Variants in STAM observed in about 807,000 individuals in gnomAD.
STAM encodes signal transducing adapter molecule 1.
STAM carries 16 observed loss-of-function variants against 63.4 expected under a neutral mutation model. The ratio of observed to expected loss-of-function variants is 0.25; its 90% confidence interval spans 0.17 to 0.38. STAM has a LOEUF of 0.38. Ranked by LOEUF, STAM falls within the 10% of genes least tolerant of loss-of-function variation. STAM has a pLI of 1.00. For synonymous variants in STAM, 238 were observed against 223.9 expected, an observed-to-expected ratio of 1.06 and a Z score of -0.56; for missense variants, 636 against 657.1, an observed-to-expected ratio of 0.97 and a Z score of 0.35.
At chr10:17,705,801 C>T in intron 12 of STAM, 60 bp downstream of exon 12, 1 of 1,530,512 alleles carries the variant, frequency 6.5e-7, no homozygotes, top group South Asian at 1.3e-5. Flanking sequence ...GGTGTGGTAG[C>T]TCATGCCTGT....
intron 2 of STAM, among the ~76,000 whole-genome samples, chr10:17,664,785 GA>G (rs1373732693): frequency 6.6e-6 from 1 of 151,864 alleles, no homozygotes; most frequent in East Asian, 1.9e-4. Flanking sequence ...TCTAGATTTA[GA>G]AAAAAAATTA....
At chr10:17,676,756 TG>T (rs1834873683) in intron 2 of STAM, among the ~76,000 whole-genome samples, 1 of 152,182 alleles carries the variant, frequency 6.6e-6, no homozygotes, top group South Asian at 2.1e-4. Context: ...ACACCATGCT[TG>T]TAATCAACTT....
At chr10:17,663,188 T>C (rs1834241715) in intron 2 of STAM, among the ~76,000 whole-genome samples, 1 of 152,174 alleles carries the variant, frequency 6.6e-6, no homozygotes, top group Non-Finnish European at 1.5e-5. Context: ...CAATTTGTTT[T>C]TCTTAATGTT....
intron 5 of STAM, among the ~76,000 whole-genome samples, chr10:17,689,736 G>A (rs374848479): frequency 6.6e-6 from 1 of 152,198 alleles, no homozygotes; most frequent in Non-Finnish European, 1.5e-5. Flanking sequence ...AATATCTAGA[G>A]TCTTTGGTTC....
Position 17,655,526 on chromosome 10 carries a change from T to C in STAM, c.41-4938T>C, listed in dbSNP as rs141831181. Reference sequence around the variant, plus strand: ...AACTAGCAGGTGATGCTGTGATATATAGCAGGTATTATACACCTGTAAAAT... The same window carrying C: ...AACTAGCAGGTGATGCTGTGATATACAGCAGGTATTATACACCTGTAAAAT... On this transcript the variant is annotated intron_variant, in intron 1 of 13. Transcript: ENST00000377524. Among the ~76,000 whole-genome samples, 8 of 152,332 alleles carry C rather than the reference T, an allele frequency of 5.3e-5. No homozygotes were observed. In the East Asian group the frequency reaches 1.5e-3, roughly 29 times the overall value.
intron 9 of STAM, among the ~76,000 whole-genome samples, chr10:17,700,820 ACTAT>A (rs1238197700): frequency 1.3e-5 from 2 of 152,226 alleles, no homozygotes; most frequent in Non-Finnish European, 2.9e-5. Context: ...ACACTCATTG[ACTAT>A]CTATTGAAAC....
chr10:17,664,431 C>T (rs1432056842), intron 2 of STAM, among the ~76,000 whole-genome samples: 1 of 152,150 alleles, frequency 6.6e-6, no homozygotes, highest in Non-Finnish European at 1.5e-5. Context: ...TCCCCCTTTC[C>T]TCCAGCTCCT....
At chr10:17,666,171 C>T (rs1347400080) in intron 2 of STAM, among the ~76,000 whole-genome samples, 2 of 152,058 alleles carry the variant, frequency 1.3e-5, no homozygotes, top group Non-Finnish European at 2.9e-5. Flanking sequence ...TATATGTTAA[C>T]TGTCTTTGCT....
At chr10:17,691,866 C>T (rs1835551010) in intron 5 of STAM, among the ~76,000 whole-genome samples, 1 of 152,192 alleles carries the variant, frequency 6.6e-6, no homozygotes, top group South Asian at 2.1e-4. Flanking sequence ...CATAACTTTT[C>T]ATGATCTACT....
At position 17,704,709 on chromosome 10, in the gene STAM, G is replaced by A. The variant is rs368752898; in HGVS notation, c.1000+191G>A. Among the ~76,000 whole-genome samples the A allele has an allele frequency of 7.3e-4, 111 of 152,258 alleles. 3 individuals carry two copies. In the South Asian group the frequency reaches 0.018, roughly 24 times the overall value. On this transcript the variant is annotated intron_variant, in intron 10 of 13. Coordinates refer to ENST00000377524, the MANE Select transcript of STAM (RefSeq NM_003473.4). ...AATTCTTATAATTTTCTATCCAAAC[G>A]AAGTGTTCTGTTCAACATTTTAGAA...
intron 1 of STAM, among the ~76,000 whole-genome samples, chr10:17,648,396 C>G (rs781863042): frequency 1.3e-5 from 2 of 152,130 alleles, no homozygotes; most frequent in Non-Finnish European, 2.9e-5. Context: ...TGGGCGGGGA[C>G]AAATAAGAGA....
intron 1 of STAM, among the ~76,000 whole-genome samples, chr10:17,657,571 C>T (rs904628573): frequency 2.0e-5 from 3 of 152,120 alleles, no homozygotes; most frequent in Non-Finnish European, 4.4e-5. Context: ...TGGTAAAATT[C>T]ACCAGTGAAC....
intron 1 of STAM, among the ~76,000 whole-genome samples, chr10:17,644,815 G>T (rs1421988561): frequency 2.6e-5 from 4 of 152,212 alleles, no homozygotes; most frequent in Non-Finnish European, 4.4e-5. Context: ...TTTAGGTAAG[G>T]TTCCTTAGAG....
intron 5 of STAM, among the ~76,000 whole-genome samples, chr10:17,692,012 C>G (rs1227944529): frequency 6.6e-6 from 1 of 152,136 alleles, no homozygotes; most frequent in Non-Finnish European, 1.5e-5. Flanking sequence ...GTTTTAAACC[C>G]TGAATGAGCC....
chr10:17,660,120 A>G (rs550317173), intron 1 of STAM, among the ~76,000 whole-genome samples: 1 of 152,280 alleles, frequency 6.6e-6, no homozygotes, highest in Admixed American at 6.5e-5. Flanking sequence ...AAGATTTACT[A>G]GCAAGTAAAT....
At chr10:17,689,971 C>A (rs60907254) in intron 5 of STAM, among the ~76,000 whole-genome samples, 14,482 of 152,308 alleles carry the variant, frequency 0.095, 745 homozygotes, top group Middle Eastern at 0.15. Flanking sequence ...AAGGGACTTA[C>A]TCTTGTAAGA....
intron 8 of STAM, among the ~76,000 whole-genome samples, chr10:17,698,361 G>A (rs1227106242): frequency 6.6e-6 from 1 of 150,734 alleles, no homozygotes; most frequent in African/African-American, 2.4e-5. Flanking sequence ...GGATAGAATT[G>A]CTTGGAGTTC....
At chr10:17,672,789 G>A (rs1304737777) in intron 2 of STAM, among the ~76,000 whole-genome samples, 1 of 152,126 alleles carries the variant, frequency 6.6e-6, no homozygotes, top group Non-Finnish European at 1.5e-5. Context: ...CTTGACTTTG[G>A]AAACTGACCT....
At chr10:17,659,230 G>T (rs1834064242) in intron 1 of STAM, among the ~76,000 whole-genome samples, 1 of 151,680 alleles carries the variant, frequency 6.6e-6, no homozygotes. Context: ...TATAATAAAT[G>T]AAAATATTAT....
Sources: gnomAD v4.1 joint callset for allele counts (sites outside exome capture counted in the v4.1 genomes callset) on GRCh38, gnomAD v4.1.1 for gene constraint, MANE v1.5 for transcripts, NCBI Gene and HGNC (gene_info 2026-07-23, HGNC 2026-07-21) for gene names.